The following TAF15 variants were observed in gnomAD, a reference collection of about 807,000 sequenced individuals.
TAF15 encodes the protein TATA-binding protein-associated factor 2N.
A neutral mutation model predicts 102.5 loss-of-function variants in TAF15; 37 were observed. The ratio of observed to expected loss-of-function variants is 0.36; its 90% CI spans 0.28 to 0.47. The LOEUF (loss-of-function observed/expected upper bound fraction) is 0.47. Ranked by LOEUF, TAF15 falls within the 20% of genes least tolerant of loss-of-function variation. TAF15 has a pLI of 0.99. For missense variants in TAF15, 652 were observed against 760.7 expected (o/e 0.86, Z 1.68); for synonymous variants, 273 against 259.2 (o/e 1.05, Z -0.51).
intron 7 of TAF15, 66 bp from the exon 8 acceptor site, chr17:35,833,841 T>A (rs575997045): frequency 2.6e-6 from 4 of 1,548,280 alleles, no homozygotes; most frequent in East Asian, 4.5e-5. Flanking sequence ...AAGTGTAGAT[T>A]GAGCCCAGGG....
intron 1 of TAF15, chr17:35,810,007 C>T (rs973072382): frequency 6.4e-6 from 2 of 312,876 alleles, no homozygotes; most frequent in Admixed American, 4.7e-5. Flanking sequence ...CGCCTCGTAC[C>T]TCAGTTTTCC....
At chr17:35,837,952 C>G (rs539974575) in intron 10 of TAF15, among the ~76,000 whole-genome samples, 7 of 151,986 alleles carry the variant, frequency 4.6e-5, no homozygotes, top group Non-Finnish European at 8.8e-5. Context: ...CTTTGGGAGG[C>G]TGAGGCAGGA....
Position 35,844,776 on chromosome 17 carries a change from G to C in TAF15, c.1477G>C (p.Gly493Arg). Residue 493 changes from glycine (G) to arginine (R), a missense_variant, in exon 15 of 16, where the codon GGC (glycine) becomes CGC (arginine). Coordinates refer to ENST00000605844, the MANE Select transcript of TAF15 (RefSeq NM_139215.3). ...RGGYGGDRGG[G>R]YGGDRGGYGG... ...TGGCTATGGAGGAGACCGAGGTGGAGGCTATGGTGGAGACCGAGGAGGCTA... is the reference window on the plus strand; with the variant it reads ...TGGCTATGGAGGAGACCGAGGTGGACGCTATGGTGGAGACCGAGGAGGCTA... 1 of 1,612,082 alleles carries C rather than the reference G, an allele frequency of 6.2e-7. No individual in the cohort carries two copies. Among genetic ancestry groups the C allele is most frequent in the Non-Finnish European group, 8.5e-7 (1 of 1,179,094 alleles).
At chr17:35,813,986 G>GT (rs200205553) in intron 1 of TAF15, among the ~76,000 whole-genome samples, 11,552 of 148,158 alleles carry the variant, frequency 0.078, 564 homozygotes, top group Admixed American at 0.14. Context: ...TCTTTTTTCT[G>GT]TTTTTTTTGT....
At chr17:35,817,870 CAG>C in intron 2 of TAF15, 115 bp downstream of exon 2, 1 of 917,796 alleles carries the variant, frequency 1.1e-6, no homozygotes, top group Non-Finnish European at 1.8e-6. Flanking sequence ...TAGCTTGTCA[CAG>C]AGTGAAGAGA....
At chr17:35,837,930 T>C (rs2087496148) in intron 10 of TAF15, among the ~76,000 whole-genome samples, 1 of 151,686 alleles carries the variant, frequency 6.6e-6, no homozygotes, top group South Asian at 2.1e-4. Flanking sequence ...TAATCAGCAC[T>C]TAATCACAGC....
chr17:35,813,557 G>T (rs981071703), intron 1 of TAF15, among the ~76,000 whole-genome samples: 2 of 151,682 alleles, frequency 1.3e-5, no homozygotes, highest in African/African-American at 4.8e-5. Flanking sequence ...GATTGCTTGA[G>T]CCCAGGAAAT....
chr17:35,819,908 A>C lies in TAF15; in HGVS notation c.48-116A>C, dbSNP rs2087239242. 9 of 904,432 alleles carry C rather than the reference A, an allele frequency of 1.0e-5. No homozygotes were observed. The South Asian group carries it at 1.3e-4, about 13-fold the overall frequency. 56.0% of individuals were successfully genotyped at this position (904,432 alleles called of 1,614,324 possible). A position where few individuals can be genotyped will look rare whatever the true frequency, so the allele number is the denominator to read the frequency against. ...GACTCTAGAGACAGGGAGATTGATG[A>C]TTTCTCAGCAAAGAAGCTTGTATTT... On this transcript the variant is annotated intron_variant, in intron 2 of 15. Transcript: ENST00000605844.
intron 7 of TAF15, among the ~76,000 whole-genome samples, chr17:35,825,889 G>C (rs903673960): frequency 7.2e-5 from 11 of 151,962 alleles, no homozygotes; most frequent in African/African-American, 2.4e-4. Flanking sequence ...GGGAGGCGGA[G>C]CATGCAGTGA....
chr17:35,845,603 C>T (rs2087614560), intron 15 of TAF15, among the ~76,000 whole-genome samples: 1 of 152,096 alleles, frequency 6.6e-6, no homozygotes, highest in Non-Finnish European at 1.5e-5. Flanking sequence ...AGCCCCGCCT[C>T]CTGGGTTCAC....
intron 10 of TAF15, 121 bp downstream of exon 10, chr17:35,836,362 T>C (rs2087474929): frequency 1.4e-6 from 1 of 698,756 alleles, no homozygotes; most frequent in South Asian, 1.7e-5. Flanking sequence ...GTGATGCACA[T>C]GCTCGTTTAT....
At chr17:35,834,657 T>C (rs1373130155) in intron 9 of TAF15, 59 bp downstream of exon 9, 3 of 1,532,540 alleles carry the variant, frequency 2.0e-6, no homozygotes, top group Admixed American at 1.7e-5. Context: ...TTTTTTTTGA[T>C]GGGAAAAGTG....
At chr17:35,819,966 CATTT>C in intron 2 of TAF15, 54 bp from the exon 3 acceptor site, 1 of 1,508,328 alleles carries the variant, frequency 6.6e-7, no homozygotes, top group Non-Finnish European at 9.2e-7. Flanking sequence ...GCAAGGTCTT[CATTT>C]AAACTTTAAA....
rs1568283205 is a variant in TAF15, at chr17:35,844,654, G to A, written c.1355G>A (p.Gly452Glu). ...SGGGYGGDRS[G>E]GGYGGDRGGG... ...GGCGGCTATGGTGGAGACAGAAGTG[G>A]GGGTGGCTATGGTGGGGACAGAGGC... Residue 452 changes from glycine to glutamate, a missense_variant, in exon 15 of 16, where the codon GGG becomes GAG. Physicochemically the swap from Gly to Glu is moderately conservative, Grantham distance 98. Around this residue, in one of 3 missense-constraint regions of TAF15, gnomAD observed 368 missense variants for 367.5 expected, o/e 1.00. Coordinates refer to ENST00000605844, the MANE Select transcript of TAF15 (RefSeq NM_139215.3). 5.6e-6 allele frequency: 9 copies of A among 1,600,832 alleles called. No homozygotes were observed. The highest frequency in any genetic ancestry group is 7.7e-6 in the Non-Finnish European group (9 of 1,172,284).
intron 7 of TAF15, among the ~76,000 whole-genome samples, chr17:35,828,731 C>T (rs1056752106): frequency 2.7e-5 from 4 of 149,168 alleles, no homozygotes; most frequent in African/African-American, 9.9e-5. Flanking sequence ...AATAGTGAGT[C>T]GGTCAAATTC....
At chr17:35,845,700 G>A (rs542585861) in intron 15 of TAF15, among the ~76,000 whole-genome samples, 8 of 152,216 alleles carry the variant, frequency 5.3e-5, no homozygotes, top group Middle Eastern at 3.4e-3. Context: ...TAGTAGAGAC[G>A]GGGTTTCACC....
intron 10 of TAF15, 131 bp from the exon 11 acceptor site, chr17:35,838,293 A>G: frequency 8.3e-7 from 1 of 1,201,564 alleles, no homozygotes; most frequent in Admixed American, 2.1e-5. Context: ...CAGGTAACTT[A>G]TTAGGTGCAT....
Position 35,822,681 on chromosome 17 carries a change from G to A in TAF15, c.332G>A (p.Gly111Asp). 6.2e-7 allele frequency: 1 copy of A among 1,614,066 alleles called. No individual in the cohort carries two copies. Among genetic ancestry groups the A allele is most frequent in the Non-Finnish European group, 8.5e-7 (1 of 1,180,008 alleles). The change falls in exon 6 of 16, where the codon GGT becomes GAT. Residue 111 changes from glycine to aspartate, a missense_variant. Gly to Asp is a moderately conservative substitution (Grantham distance 94, BLOSUM62 -1). Coordinates refer to ENST00000605844, the MANE Select transcript of TAF15 (RefSeq NM_139215.3). ...CCTTCCTATGACCAGCCAGACTATG[G>A]TCAACAAGATTCATATGACCAGCAG... is the stretch of plus-strand genomic sequence containing the variant. ...RAPSYDQPDY[G>D]QQDSYDQQSG...
At position 35,823,466 on chromosome 17, in the gene TAF15, G is replaced by T. The variant is rs4251750; in HGVS notation, c.485-612G>T. 320 of 167,616 alleles carry T rather than the reference G, an allele frequency of 1.9e-3. 2 individuals carry two copies. Among genetic ancestry groups the T allele is most frequent in the Non-Finnish European group, 2.4e-3 (188 of 77,504 alleles). 10.4% of individuals were successfully genotyped at this position (167,616 alleles called of 1,614,324 possible). A position where few individuals can be genotyped will look rare whatever the true frequency, so the allele number is the denominator to read the frequency against. The stretch of plus-strand genomic sequence containing the variant: ...TGTAATCCCAGCATTTTGGGAGGCC[G>T]AGGTGGGCAGATCACGAGGTCAGGA... On this transcript the variant is annotated intron_variant, in intron 6 of 15. Coordinates refer to ENST00000605844, the MANE Select transcript of TAF15 (RefSeq NM_139215.3).
Sources: gnomAD v4.1 joint callset for allele counts (sites outside exome capture counted in the v4.1 genomes callset) on GRCh38, gnomAD v4.1.1 for gene constraint, gnomAD v4.1.1 regional missense constraint, MANE v1.5 for transcripts, NCBI Gene and HGNC (gene_info 2026-07-23, HGNC 2026-07-21) for gene names.